Variants in PPARGC1A observed in about 807,000 individuals in gnomAD.
PPARGC1A encodes the protein PPARG coactivator 1 alpha.
PPARGC1A carries 25 observed loss-of-function variants against 88.7 expected under a neutral mutation model. The ratio of observed to expected loss-of-function variants is 0.28; its 90% CI spans 0.21 to 0.39. The LOEUF is 0.39. Ranked by LOEUF, PPARGC1A falls within the 10% of genes least tolerant of loss-of-function variation. PPARGC1A has a pLI of 1.00. For synonymous variants in PPARGC1A, 363 were observed against 355.6 expected, an observed-to-expected ratio of 1.02 and a Z score of -0.24; for missense variants, 880 against 968.7, an observed-to-expected ratio of 0.91 and a Z score of 1.22.
At chr4:24,001,488 C>G in the PPARGC1A span, among the ~76,000 whole-genome samples, 1 of 152,062 alleles carries the variant, frequency 6.6e-6, no homozygotes, top group Non-Finnish European at 1.5e-5. Flanking sequence ...AAAACCTGAT[C>G]CATTGTGTAA....
chr4:24,125,078 G>A, the PPARGC1A span, among the ~76,000 whole-genome samples: 1 of 152,072 alleles, frequency 6.6e-6, no homozygotes, highest in Admixed American at 6.6e-5. Context: ...TTGGGTTAGA[G>A]AGCCTGCAGT....
chr4:24,408,089 T>G, the PPARGC1A span, among the ~76,000 whole-genome samples: 1 of 152,132 alleles, frequency 6.6e-6, no homozygotes, highest in East Asian at 1.9e-4. Flanking sequence ...CACAAAGTGT[T>G]TCTACCAAAA....
the PPARGC1A span, among the ~76,000 whole-genome samples, chr4:24,015,264 TGAGATAGAGATA>T: frequency 2.0e-5 from 3 of 152,056 alleles, no homozygotes; most frequent in Non-Finnish European, 4.4e-5. Context: ...TAGGTATAGA[TGAGATAGAGATA>T]GAGATAGAGA....
At chr4:24,331,092 C>A in the PPARGC1A span, among the ~76,000 whole-genome samples, 1 of 151,876 alleles carries the variant, frequency 6.6e-6, no homozygotes, top group African/African-American at 2.4e-5. Context: ...CACAACTATA[C>A]GTTATCTCCT....
At chr4:24,093,287 T>C in the PPARGC1A span, among the ~76,000 whole-genome samples, 1 of 152,246 alleles carries the variant, frequency 6.6e-6, no homozygotes, top group Non-Finnish European at 1.5e-5. Context: ...CAATCATACC[T>C]CATTAATACA....
rs1381885920 is a variant in PPARGC1A at position 23,873,197 on chromosome 4, C to CAAAAAAAAAAAAAAAAAA, written c.234+11554_234+11555insTTTTTTTTTTTTTTTTTT. The stretch of plus-strand genomic sequence containing the variant: ...GGGGCGACAGAGCGAGACTCCGTCT[C>CAAAAAAAAAAAAAAAAAA]AAAAATAAAAAATAAAAAATAAAAA... On this transcript the variant is annotated intron_variant, in intron 2 of 12. Coordinates refer to ENST00000264867, the MANE Select transcript of PPARGC1A (RefSeq NM_013261.5). 5.3e-5 allele frequency among the ~76,000 whole-genome samples: 4 copies of CAAAAAAAAAAAAAAAAAA among 74,864 alleles called. 1 individual carries two copies. Among genetic ancestry groups the CAAAAAAAAAAAAAAAAAA allele is most frequent in the Non-Finnish European group, 7.7e-5 (3 of 38,994 alleles). The allele number at this position is 74,864 out of a possible 152,430, so 49.1% of individuals were successfully genotyped here.
chr4:24,344,909 C>T, the PPARGC1A span, among the ~76,000 whole-genome samples: 1 of 152,132 alleles, frequency 6.6e-6, no homozygotes, highest in African/African-American at 2.4e-5. Flanking sequence ...AGTTGTTAAT[C>T]CATCTTGAGT....
the PPARGC1A span, among the ~76,000 whole-genome samples, chr4:24,190,400 A>T: frequency 9.9e-5 from 15 of 152,130 alleles, no homozygotes; most frequent in African/African-American, 3.6e-4. Flanking sequence ...CTGTAGTCCC[A>T]GCTACTCGGG....
chr4:24,462,780 A>C, the PPARGC1A span, among the ~76,000 whole-genome samples: 1 of 150,980 alleles, frequency 6.6e-6, no homozygotes, highest in African/African-American at 2.4e-5. Flanking sequence ...CTGTCACATC[A>C]GTAGGAACTC....
At chr4:24,163,938 C>T in the PPARGC1A span, among the ~76,000 whole-genome samples, 3 of 152,178 alleles carry the variant, frequency 2.0e-5, no homozygotes, top group African/African-American at 4.8e-5. Context: ...TAAATAAACA[C>T]ATTTTGAAGC....
chr4:24,021,782 T>C, the PPARGC1A span, among the ~76,000 whole-genome samples: 75,950 of 152,036 alleles, frequency 0.5, 19,930 homozygotes, highest in Non-Finnish European at 0.6. Flanking sequence ...TTCAGCACAG[T>C]GCCTGACAGT....
the PPARGC1A span, among the ~76,000 whole-genome samples, chr4:24,239,485 C>A: frequency 2.0e-5 from 3 of 152,168 alleles, no homozygotes; most frequent in South Asian, 6.2e-4. Context: ...TGATCTTGTA[C>A]AAGTCATTTG....
At chr4:23,814,638 AGAGAG>A in intron 7 of PPARGC1A, 33 bp from the exon 8 acceptor site, 1 of 1,392,810 alleles carries the variant, frequency 7.2e-7, no homozygotes, top group South Asian at 1.5e-5. Context: ...AAAAAAAAAG[AGAGAG>A]AAAGAAAAGA....
the PPARGC1A span, among the ~76,000 whole-genome samples, chr4:24,171,585 G>T: frequency 6.6e-6 from 1 of 152,012 alleles, no homozygotes; most frequent in Non-Finnish European, 1.5e-5. Context: ...TTGGTTCACT[G>T]CTGTTCCCCA....
the PPARGC1A span, among the ~76,000 whole-genome samples, chr4:24,430,843 C>A: frequency 6.6e-6 from 1 of 151,986 alleles, no homozygotes; most frequent in Non-Finnish European, 1.5e-5. Flanking sequence ...AGGGGCCGGG[C>A]GCGGGGGCTC....
intron 2 of PPARGC1A, among the ~76,000 whole-genome samples, chr4:23,857,210 T>C (rs1441968960): frequency 6.6e-6 from 1 of 151,748 alleles, no homozygotes. Flanking sequence ...ACTGATGTTC[T>C]ATAGGTGTTT....
chr4:24,050,969 T>C, the PPARGC1A span, among the ~76,000 whole-genome samples: 131,785 of 151,884 alleles, frequency 0.87, 57,321 homozygotes, highest in Admixed American at 0.92. Flanking sequence ...GGGCAGATCA[T>C]GAGGTCAGGA....
chr4:24,040,723 C>T, the PPARGC1A span, among the ~76,000 whole-genome samples: 139 of 152,312 alleles, frequency 9.1e-4, 1 homozygote, highest in Non-Finnish European at 8.8e-4. Flanking sequence ...GAATATAGTG[C>T]AACCATAGTT....
chr4:23,915,561 C>A, the PPARGC1A span, among the ~76,000 whole-genome samples: 1 of 152,182 alleles, frequency 6.6e-6, no homozygotes, highest in African/African-American at 2.4e-5. Context: ...TCCATCTATT[C>A]TGCTAAAATG....
Sources: allele counts gnomAD v4.1 joint callset (sites outside exome capture counted in the v4.1 genomes callset), GRCh38; gene constraint gnomAD v4.1.1; transcripts MANE v1.5; gene names NCBI Gene and HGNC (gene_info 2026-07-23, HGNC 2026-07-21).